Variants in NPAS3 observed in about 807,000 individuals in gnomAD.
The protein encoded by NPAS3 is neuronal PAS domain protein 3, also known as neuronal PAS domain-containing protein 3.
NPAS3 carries 14 observed loss-of-function variants against 73.1 expected under a neutral mutation model. That is an observed-to-expected ratio of 0.19 (90% CI 0.13 to 0.30). The LOEUF is 0.30. Among genes scored for constraint, NPAS3 ranks in the 10% least tolerant of loss-of-function variants. The pLI, the probability that NPAS3 is intolerant of heterozygous loss-of-function variation, is 1.00. For synonymous variants in NPAS3, 620 were observed against 541.5 expected (o/e 1.14, Z -2.01); for missense variants, 1,096 against 1,250.0 (o/e 0.88, Z 1.86).
chr14:33,004,501 G>C (rs954087578), intron 1 of NPAS3, among the ~76,000 whole-genome samples: 30 of 152,258 alleles, frequency 2.0e-4, no homozygotes, highest in African/African-American at 6.5e-4. Context: ...GAGCTTGCAG[G>C]ACTAGAAGTT....
intron 2 of NPAS3, among the ~76,000 whole-genome samples, chr14:33,176,671 C>A (rs147654990): frequency 6.6e-6 from 1 of 152,234 alleles, no homozygotes; most frequent in East Asian, 1.9e-4. Context: ...AATAATACTG[C>A]ATGAATGTTG....
At chr14:33,573,886 A>G (rs1021418195) in intron 5 of NPAS3, among the ~76,000 whole-genome samples, 9 of 152,360 alleles carry the variant, frequency 5.9e-5, no homozygotes, top group African/African-American at 2.2e-4. Context: ...AGGGCACACC[A>G]GTGGAAATAA....
chr14:33,672,025 G>A (rs2059622759), intron 5 of NPAS3, among the ~76,000 whole-genome samples: 1 of 151,996 alleles, frequency 6.6e-6, no homozygotes, highest in Non-Finnish European at 1.5e-5. Context: ...TGATATCAAG[G>A]GATAGTTAAG....
intron 1 of NPAS3, among the ~76,000 whole-genome samples, chr14:32,981,831 A>C (rs1392751418): frequency 6.6e-6 from 1 of 152,182 alleles, no homozygotes; most frequent in Non-Finnish European, 1.5e-5. Flanking sequence ...AATTGCACAA[A>C]TGGAAATAAT....
chr14:33,661,203 A>C (rs1280891867), intron 5 of NPAS3, among the ~76,000 whole-genome samples: 3 of 152,126 alleles, frequency 2.0e-5, no homozygotes, highest in Non-Finnish European at 4.4e-5. Context: ...GAAGAAGCTG[A>C]CATTTTTGAA....
At chr14:33,260,701 T>G (rs2139953412) in intron 3 of NPAS3, among the ~76,000 whole-genome samples, 1 of 152,290 alleles carries the variant, frequency 6.6e-6, no homozygotes, top group East Asian at 1.9e-4. Context: ...TCTTCCTCAT[T>G]TCCTGTCTGT....
chr14:33,324,808 C>T (rs1316268564), intron 3 of NPAS3, among the ~76,000 whole-genome samples: 1 of 152,002 alleles, frequency 6.6e-6, no homozygotes, highest in African/African-American at 2.4e-5. Flanking sequence ...GTGCTTGTTA[C>T]CATCGTATTT....
chr14:33,347,076 C>T (rs1475182773), intron 3 of NPAS3, among the ~76,000 whole-genome samples: 1 of 152,144 alleles, frequency 6.6e-6, no homozygotes, highest in Non-Finnish European at 1.5e-5. Flanking sequence ...TCTTTTCCTC[C>T]ACATTATCAA....
At chr14:32,965,734 C>G (rs79133688) in intron 1 of NPAS3, among the ~76,000 whole-genome samples, 3,621 of 152,238 alleles carry the variant, frequency 0.024, 73 homozygotes, top group Middle Eastern at 0.048. Flanking sequence ...GAAAGAAATA[C>G]AGGGCATCCA....
intron 6 of NPAS3, among the ~76,000 whole-genome samples, chr14:33,684,300 C>T (rs1453262817): frequency 2.6e-5 from 4 of 151,474 alleles, no homozygotes; most frequent in Non-Finnish European, 4.4e-5. Context: ...TCTTTGCTCT[C>T]ATTATTTCTT....
chr14:32,951,659 G>A (rs1295883455), intron 1 of NPAS3, among the ~76,000 whole-genome samples: 4 of 152,092 alleles, frequency 2.6e-5, no homozygotes, highest in Non-Finnish European at 5.9e-5. Flanking sequence ...AAAACTAGAT[G>A]ATATACAATG....
intron 4 of NPAS3, among the ~76,000 whole-genome samples, chr14:33,555,804 G>A (rs952493015): frequency 1.2e-4 from 18 of 151,882 alleles, no homozygotes; most frequent in African/African-American, 4.4e-4. Context: ...TCTGAGATAC[G>A]GACATTGATC....
In NPAS3 at chr14:33,800,935, G is replaced by C; in HGVS notation, c.2628G>C (p.Val876=). 1 of 1,607,632 alleles carries C rather than the reference G, an allele frequency of 6.2e-7. No homozygotes were observed. Among genetic ancestry groups the C allele is most frequent in the Non-Finnish European group, 8.5e-7 (1 of 1,177,530 alleles). The change falls in exon 12 of 12, where the codon GTG becomes GTC. Residue 876 remains valine, a synonymous_variant. Coordinates refer to ENST00000356141, the Ensembl canonical transcript of NPAS3. The surrounding 1 kb of genome is among the most constrained non-coding windows in gnomAD (Gnocchi z 6.5). ...CCATGGAGATGCTCTACCACCACGT[G>C]CACCGGCTCAACATGTCAGGACCGT... is the stretch of plus-strand genomic sequence containing the variant.
At position 33,367,425 on chromosome 14, in the gene NPAS3, CTTT is replaced by C. The variant is rs35717842; in HGVS notation, c.468+160_468+162del. On this transcript the variant is annotated intron_variant, in intron 4 of 11. Transcript: ENST00000356141. Reference sequence around the variant, plus strand: ...GAAATTCTTATGAGTTTATTTTTTTCTTTTTAGAAAGCCATCCTTTGAGAGAAT... The same window carrying C: ...GAAATTCTTATGAGTTTATTTTTTTCTTAGAAAGCCATCCTTTGAGAGAAT... Among the ~76,000 whole-genome samples, 4 of 151,260 alleles carry C rather than the reference CTTT, an allele frequency of 2.6e-5. No individual in the cohort carries two copies. The East Asian group carries it at 7.7e-4, about 29-fold the overall frequency.
intron 2 of NPAS3, among the ~76,000 whole-genome samples, chr14:33,100,786 A>G (rs190861055): frequency 6.6e-6 from 1 of 152,346 alleles, no homozygotes; most frequent in East Asian, 1.9e-4. Flanking sequence ...TTTTAATTAC[A>G]CTACAACATT....
At chr14:33,260,030 AG>A (rs2048915879) in intron 3 of NPAS3, among the ~76,000 whole-genome samples, 1 of 152,138 alleles carries the variant, frequency 6.6e-6, no homozygotes, top group Non-Finnish European at 1.5e-5. Context: ...GACACCCAAA[AG>A]CCTATTGCAT....
chr14:33,043,395 C>G (rs1349549200), intron 1 of NPAS3, among the ~76,000 whole-genome samples: 1 of 151,976 alleles, frequency 6.6e-6, no homozygotes, highest in African/African-American at 2.4e-5. Context: ...ATGTTCCCTC[C>G]AATGAATTGT....
chr14:33,780,175 C>A (rs111307376), intron 9 of NPAS3, among the ~76,000 whole-genome samples: 3,077 of 152,282 alleles, frequency 0.02, 53 homozygotes, highest in Non-Finnish European at 0.033. Flanking sequence ...GATTCTACTC[C>A]CAACACGGAG....
chr14:33,464,503 A>C (rs2139536543), intron 4 of NPAS3, among the ~76,000 whole-genome samples: 1 of 152,308 alleles, frequency 6.6e-6, no homozygotes, highest in East Asian at 1.9e-4. Flanking sequence ...AGAGAGCCTG[A>C]AGCCACTGCT....
Sources: allele counts gnomAD v4.1 joint callset (sites outside exome capture counted in the v4.1 genomes callset), GRCh38; gene constraint gnomAD v4.1.1; non-coding constraint Gnocchi (gnomAD v3.1); transcripts MANE v1.5; gene names NCBI Gene and HGNC (gene_info 2026-07-23, HGNC 2026-07-21).